Variants in KCNK3 observed in about 807,000 individuals in gnomAD.
The protein encoded by KCNK3 is potassium two pore domain channel subfamily K member 3.
In KCNK3, 9 loss-of-function variants were observed where a neutral mutation model predicts 27.3. The observed-to-expected ratio is 0.33, with a 90% CI of 0.20 to 0.57. KCNK3 has a LOEUF of 0.57. Among genes scored for constraint, KCNK3 ranks in the 20% least tolerant of loss-of-function variants. The pLI is 0.87. For synonymous variants in KCNK3, 278 were observed against 273.8 expected, an observed-to-expected ratio of 1.02 and a Z score of -0.15; for missense variants, 391 against 577.7, an observed-to-expected ratio of 0.68 and a Z score of 3.31.
At chr2:26,727,540 G>A in intron 1 of KCNK3, 127 bp from the exon 2 acceptor site, 1 of 1,232,116 alleles carries the variant, frequency 8.1e-7, no homozygotes, top group Non-Finnish European at 1.1e-6. Flanking sequence ...GATAAGGAGC[G>A]CCCATCACTG....
intron 1 of KCNK3, among the ~76,000 whole-genome samples, chr2:26,725,317 C>T (rs1353800538): frequency 1.3e-5 from 2 of 152,218 alleles, no homozygotes; most frequent in African/African-American, 4.8e-5. Flanking sequence ...CTGCAGAGGG[C>T]TCTGGCGGGC....
chr2:26,709,788 G>A (rs530458152), intron 1 of KCNK3, among the ~76,000 whole-genome samples: 10 of 152,290 alleles, frequency 6.6e-5, no homozygotes, highest in African/African-American at 2.2e-4. Flanking sequence ...AAGCAAATGA[G>A]GCCTGAGGCC....
At chr2:26,718,964 C>T (rs1663280340) in intron 1 of KCNK3, among the ~76,000 whole-genome samples, 1 of 152,160 alleles carries the variant, frequency 6.6e-6, no homozygotes, top group Non-Finnish European at 1.5e-5. Context: ...AGCGTTGTCT[C>T]CTACTCTTTT....
At position 26,697,635 on chromosome 2, in the gene KCNK3, CGCCATGGGCACCT is replaced by C. The variant is rs1670251890; in HGVS notation, c.283+4487_283+4499del. Among the ~76,000 whole-genome samples, 4 of 152,250 alleles carry C rather than the reference CGCCATGGGCACCT, an allele frequency of 2.6e-5. No homozygotes were observed. The South Asian group carries it at 8.3e-4, about 32-fold the overall frequency. On this transcript the variant is annotated intron_variant, in intron 1 of 1. Transcript: ENST00000302909. ...ACTTGTCACAGCTGTGCCCAGCACC[CGCCATGGGCACCT>C]GCCATGGGCTCGCAGGTGCCCATTC...
intron 1 of KCNK3, among the ~76,000 whole-genome samples, chr2:26,724,915 G>C (rs1663386221): frequency 6.6e-6 from 1 of 152,114 alleles, no homozygotes; most frequent in South Asian, 2.1e-4. Context: ...GCTTGGCTGG[G>C]TGTGGGCTAA....
At chr2:26,704,064 C>T (rs1382911741) in intron 1 of KCNK3, among the ~76,000 whole-genome samples, 1 of 152,260 alleles carries the variant, frequency 6.6e-6, no homozygotes, top group South Asian at 2.1e-4. Flanking sequence ...GCAGTGGGTG[C>T]CCTGTGATTC....
At chr2:26,707,445 C>T (rs1670389490) in intron 1 of KCNK3, among the ~76,000 whole-genome samples, 1 of 152,222 alleles carries the variant, frequency 6.6e-6, no homozygotes, top group Admixed American at 6.5e-5. Flanking sequence ...GGGCTTGCTC[C>T]AAGGCTGCCA....
intron 1 of KCNK3, among the ~76,000 whole-genome samples, chr2:26,705,781 G>A (rs539628675): frequency 2.8e-4 from 42 of 152,154 alleles, no homozygotes; most frequent in East Asian, 1.5e-3. Context: ...AATGGGGACA[G>A]AGTGACGGTT....
At position 26,731,513 on chromosome 2, in the gene KCNK3, G is replaced by A. The variant is rs916658027; in HGVS notation, c.*2945G>A. ...GAATCGCTTGAACCCGGGAGGCGGAGGTTGCAGTGAGCTGAGATCGTGCCA... is the reference window on the plus strand; with the variant it reads ...GAATCGCTTGAACCCGGGAGGCGGAAGTTGCAGTGAGCTGAGATCGTGCCA... On this transcript the variant is annotated 3_prime_UTR_variant, in exon 2 of 2. Transcript: ENST00000302909. The A allele has an allele frequency of 2.6e-5, 4 of 152,588 alleles. No individual in the cohort carries two copies. Among genetic ancestry groups the A allele is most frequent in the Admixed American group, 1.3e-4 (2 of 15,302 alleles). 9.5% of individuals were successfully genotyped at this position (152,588 alleles called of 1,614,324 possible).
At position 26,692,816 on chromosome 2, in the gene KCNK3, G is replaced by T; in HGVS notation, c.-60G>T. On this transcript the variant is annotated 5_prime_UTR_variant, in exon 1 of 2. Transcript: ENST00000302909. The surrounding 1 kb of genome is among the most constrained non-coding windows in gnomAD (Gnocchi z 5.6). ...CCGCCTCCGGGGCAGCAGCAGCGGC[G>T]GCCGGGGCCGAGGCGCGGGCCGGGG... is the stretch of plus-strand genomic sequence containing the variant. The T allele has an allele frequency of 6.3e-6, 6 of 956,088 alleles. No individual in the cohort carries two copies. The highest frequency in any genetic ancestry group is 7.5e-6 in the Non-Finnish European group (6 of 797,496). The allele number at this position is 956,088 out of a possible 1,614,324, so 59.2% of individuals were successfully genotyped here.
At chr2:26,718,052 C>T (rs1663263378) in intron 1 of KCNK3, among the ~76,000 whole-genome samples, 1 of 152,016 alleles carries the variant, frequency 6.6e-6, no homozygotes. Context: ...CTCGCCCCTT[C>T]CTGTCCTCTC....
intron 1 of KCNK3, among the ~76,000 whole-genome samples, chr2:26,700,284 C>G (rs1370414695): frequency 6.6e-6 from 1 of 152,268 alleles, no homozygotes; most frequent in Non-Finnish European, 1.5e-5. Context: ...GCACAAAGAG[C>G]AGTCAACCGC....
Position 26,708,690 on chromosome 2 carries a change from A to C in KCNK3, c.283+15532A>C, listed in dbSNP as rs184239083. Among the ~76,000 whole-genome samples the C allele has an allele frequency of 3.2e-4, 48 of 152,342 alleles. No homozygotes were observed. In the East Asian group the frequency reaches 6.7e-3, roughly 21 times the overall value. On this transcript the variant is annotated intron_variant, in intron 1 of 1. Coordinates refer to ENST00000302909, the MANE Select transcript of KCNK3 (RefSeq NM_002246.3). Reference sequence around the variant, plus strand: ...GCAAAAACTCCATCTCAAAAATAAAAAAATAAAAATAAAAGAGTTTGGATT... The same window carrying C: ...GCAAAAACTCCATCTCAAAAATAAACAAATAAAAATAAAAGAGTTTGGATT...
intron 1 of KCNK3, among the ~76,000 whole-genome samples, chr2:26,723,321 C>T (rs1045711993): frequency 2.0e-5 from 3 of 152,236 alleles, no homozygotes; most frequent in Admixed American, 6.5e-5. Context: ...CAGTTTCTGA[C>T]CTCCTTGGTG....
At chr2:26,711,692 C>T (rs1049926168) in intron 1 of KCNK3, among the ~76,000 whole-genome samples, 7 of 152,132 alleles carry the variant, frequency 4.6e-5, no homozygotes, top group Non-Finnish European at 5.9e-5. Flanking sequence ...TTGAAGATTA[C>T]ACAACGTACA....
intron 1 of KCNK3, among the ~76,000 whole-genome samples, chr2:26,698,517 A>G (rs1447906060): frequency 6.6e-6 from 1 of 152,254 alleles, no homozygotes; most frequent in Non-Finnish European, 1.5e-5. Flanking sequence ...TGCCTGGTAC[A>G]GAGAAGGCAC....
rs559144589 is a variant in KCNK3, at chr2:26,723,304, C to T, written c.284-4363C>T. 3.3e-5 allele frequency among the ~76,000 whole-genome samples: 5 copies of T among 152,372 alleles called. No individual in the cohort carries two copies. In the East Asian group the frequency reaches 9.6e-4, roughly 29 times the overall value. ...CACCCCGCATCTCCCTGGAAGACAG[C>T]TTCAGCCAGTTTCTGACCTCCTTGG... is the stretch of plus-strand genomic sequence containing the variant. On this transcript the variant is annotated intron_variant, in intron 1 of 1. Transcript: ENST00000302909.
At chr2:26,699,179 GAA>G (rs1456684346) in intron 1 of KCNK3, among the ~76,000 whole-genome samples, 1 of 57,402 alleles carries the variant, frequency 1.7e-5, no homozygotes. Context: ...CTCCGTCTCA[GAA>G]AAAAAAAAAA....
chr2:26,720,998 C>A (rs188554347), intron 1 of KCNK3, among the ~76,000 whole-genome samples: 2 of 152,258 alleles, frequency 1.3e-5, no homozygotes, highest in Admixed American at 1.3e-4. Flanking sequence ...TTTGAAGGGG[C>A]CAGAGGCCAC....
Sources: gnomAD v4.1 joint callset for allele counts (sites outside exome capture counted in the v4.1 genomes callset) on GRCh38, gnomAD v4.1.1 for gene constraint, Gnocchi (gnomAD v3.1) non-coding constraint, MANE v1.5 for transcripts, NCBI Gene and HGNC (gene_info 2026-07-23, HGNC 2026-07-21) for gene names.